The following SLC9A1 variants were observed in gnomAD, a reference collection of about 807,000 sequenced individuals.
The protein encoded by SLC9A1 is sodium/hydrogen exchanger 1.
Under a neutral mutation model 67.9 loss-of-function variants are expected in SLC9A1, and 22 were observed. The observed-to-expected ratio is 0.32, with a 90% CI of 0.23 to 0.46. The LOEUF (loss-of-function observed/expected upper bound fraction) is 0.46, where lower values mean the gene tolerates loss of function less well. Among genes scored for constraint, SLC9A1 ranks in the 20% least tolerant of loss-of-function variants. The pLI is 1.00. For missense variants in SLC9A1, 686 were observed against 1,094.8 expected, an observed-to-expected ratio of 0.63 and a Z score of 5.27; for synonymous variants, 421 against 471.8, an observed-to-expected ratio of 0.89 and a Z score of 1.40.
Position 27,109,881 on chromosome 1 carries a change from A to C in SLC9A1, c.814-104T>G. 1 of 1,322,672 alleles carries C rather than the reference A, an allele frequency of 7.6e-7. No homozygotes were observed. Among genetic ancestry groups the C allele is most frequent in the Non-Finnish European group, 1.1e-6 (1 of 945,720 alleles). 81.9% of individuals were successfully genotyped at this position (1,322,672 alleles called of 1,614,324 possible). ...CCTGTCCCCTCCGTTAACCATGGCC[A>C]CAAGAAGAGGCCACACGGTAGCAGA... On this transcript the variant is annotated intron_variant, in intron 2 of 11. Transcript: ENST00000263980. This position sits in a 1 kb window ranked among gnomAD's most constrained non-coding sequence, Gnocchi z 5.5.
chr1:27,145,074 A>G (rs79670576), intron 1 of SLC9A1, among the ~76,000 whole-genome samples: 2 of 131,802 alleles, frequency 1.5e-5, no homozygotes, highest in Non-Finnish European at 3.2e-5. Flanking sequence ...AGGAAAAAGG[A>G]AAAAAAAAAA....
chr1:27,131,158 G>A (rs561667699), intron 1 of SLC9A1, among the ~76,000 whole-genome samples: 19 of 152,342 alleles, frequency 1.2e-4, no homozygotes, highest in Admixed American at 1.1e-3. Flanking sequence ...AACTGGGGAA[G>A]CAGCCACCAC....
intron 1 of SLC9A1, among the ~76,000 whole-genome samples, chr1:27,125,785 G>T (rs571925243): frequency 1.3e-5 from 2 of 151,452 alleles, no homozygotes; most frequent in African/African-American, 2.4e-5. Flanking sequence ...AGTAGATGAG[G>T]TTTCACCATG....
rs746572432 is a variant in SLC9A1 at position 27,101,776 on chromosome 1, G to A, written c.1986C>T (p.Ala662=). The part of the protein sequence containing the change: ...HTLVADPYEE[A]WNQMLLRRQK... ...GCCTCCGGAGCAGCATCTGGTTCCAGGCTTCCTCGTAGGGGTCTGCCACCA... is the reference window on the plus strand; with the variant it reads ...GCCTCCGGAGCAGCATCTGGTTCCAAGCTTCCTCGTAGGGGTCTGCCACCA... The change falls in exon 10 of 12, where the codon GCC becomes GCT. Residue 662 remains alanine (A), a synonymous_variant. Transcript: ENST00000263980. This position sits in a 1 kb window ranked among gnomAD's most constrained non-coding sequence, Gnocchi z 4.9. 3.7e-5 allele frequency: 59 copies of A among 1,613,108 alleles called. No individual in the cohort carries two copies. The highest frequency in any genetic ancestry group is 4.7e-5 in the Non-Finnish European group (56 of 1,179,962).
chr1:27,134,302 AGAT>A (rs1228243523), intron 1 of SLC9A1, among the ~76,000 whole-genome samples: 3 of 152,194 alleles, frequency 2.0e-5, no homozygotes, highest in East Asian at 1.9e-4. Flanking sequence ...CTCACAGATA[AGAT>A]GATGGGGCTG....
intron 2 of SLC9A1, among the ~76,000 whole-genome samples, chr1:27,113,412 C>T (rs1381773847): frequency 2.0e-5 from 3 of 152,074 alleles, no homozygotes; most frequent in South Asian, 2.1e-4. Context: ...GAGTTATGAC[C>T]GTACCAGTTC....
Position 27,105,998 on chromosome 1 carries a change from G to A in SLC9A1, c.1372C>T (p.Arg458Ter), listed in dbSNP as rs1353391048. 2 of 1,613,362 alleles carry A rather than the reference G, an allele frequency of 1.2e-6. No individual in the cohort carries two copies. Among genetic ancestry groups the A allele is most frequent in the Non-Finnish European group, 1.7e-6 (2 of 1,179,738 alleles). The part of the protein sequence containing the change: ...DQFIIAYGGL[R>*]GAIAFSLGYL... ...CCCAGAGAGAAGGCGATGGCCCCTC[G>A]CAGGCCCCCATAGGCGATGATGAAC... The change falls in exon 5 of 12, where the codon CGA becomes TGA. Residue 458 changes from arginine (R) to a stop codon, truncating the protein, a stop_gained. Coordinates refer to ENST00000263980, the MANE Select transcript of SLC9A1 (RefSeq NM_003047.5). LOFTEE classifies it high-confidence loss of function.
rs777700002 is a variant in SLC9A1, at chr1:27,099,606, G to C, written c.*701C>G. 2.6e-5 allele frequency: 4 copies of C among 152,698 alleles called. No individual in the cohort carries two copies. The highest frequency in any genetic ancestry group is 9.7e-5 in the African/African-American group (4 of 41,436). 9.5% of individuals were successfully genotyped at this position (152,698 alleles called of 1,614,324 possible). A position where few individuals can be genotyped will look rare whatever the true frequency, so the allele number is the denominator to read the frequency against. On this transcript the variant is annotated 3_prime_UTR_variant, in exon 12 of 12. Coordinates refer to ENST00000263980, the MANE Select transcript of SLC9A1 (RefSeq NM_003047.5). ...AAAAGGCAGCACATTCTGGAGCCACGGCCAGTCCTTCCCCTAGCAGCTTCC... is the reference window on the plus strand; with the variant it reads ...AAAAGGCAGCACATTCTGGAGCCACCGCCAGTCCTTCCCCTAGCAGCTTCC...
chr1:27,131,439 CAAAAAAAAAA>C (rs35954506), intron 1 of SLC9A1, among the ~76,000 whole-genome samples: 11 of 27,490 alleles, frequency 4.0e-4, no homozygotes, highest in Admixed American at 1.2e-3. Context: ...ACTAAAAATA[CAAAAAAAAAA>C]AAAAAAAAAA....
chr1:27,120,575 G>A (rs901142091), intron 1 of SLC9A1, among the ~76,000 whole-genome samples: 5 of 151,642 alleles, frequency 3.3e-5, no homozygotes, highest in Admixed American at 1.3e-4. Context: ...TCGTCTCTAC[G>A]AAAAATACAA....
At chr1:27,148,626 A>AT (rs528932849) in intron 1 of SLC9A1, among the ~76,000 whole-genome samples, 145 of 152,344 alleles carry the variant, frequency 9.5e-4, no homozygotes, top group Non-Finnish European at 1.7e-3. Flanking sequence ...GAACACATCA[A>AT]TACCACATGC....
chr1:27,138,595 GT>G (rs1243684979), intron 1 of SLC9A1, among the ~76,000 whole-genome samples: 3 of 152,118 alleles, frequency 2.0e-5, no homozygotes, highest in African/African-American at 4.8e-5. Context: ...AAGAGATGAC[GT>G]TTGATCTAGG....
At chr1:27,153,221 G>C (rs2083541894) in intron 1 of SLC9A1, among the ~76,000 whole-genome samples, 2 of 152,108 alleles carry the variant, frequency 1.3e-5, no homozygotes, top group Admixed American at 6.6e-5. Flanking sequence ...CTGAGACACA[G>C]CCAGGCAGCG....
intron 1 of SLC9A1, among the ~76,000 whole-genome samples, chr1:27,132,604 A>G (rs748287581): frequency 6.6e-6 from 1 of 152,158 alleles, no homozygotes; most frequent in Admixed American, 6.5e-5. Flanking sequence ...GAAGGCAGAG[A>G]GCCTAGCATA....
intron 1 of SLC9A1, among the ~76,000 whole-genome samples, chr1:27,152,790 C>G (rs2083538633): frequency 6.6e-6 from 1 of 152,146 alleles, no homozygotes; most frequent in African/African-American, 2.4e-5. Flanking sequence ...CTGCATGTCC[C>G]AGAGCCTGCC....
chr1:27,145,232 A>G (rs377341115), intron 1 of SLC9A1, among the ~76,000 whole-genome samples: 1 of 152,214 alleles, frequency 6.6e-6, no homozygotes. Context: ...GGCTTTCTCT[A>G]AACACCCCAG....
intron 1 of SLC9A1, among the ~76,000 whole-genome samples, chr1:27,116,366 C>T (rs1258016023): frequency 6.6e-6 from 1 of 151,826 alleles, no homozygotes; most frequent in African/African-American, 2.4e-5. Context: ...GCCTGGGCAA[C>T]AGAGCAAGAC....
intron 1 of SLC9A1, among the ~76,000 whole-genome samples, chr1:27,130,338 G>C (rs972215391): frequency 6.6e-6 from 1 of 152,180 alleles, no homozygotes; most frequent in Non-Finnish European, 1.5e-5. Context: ...GCTTGACCTC[G>C]TGATCCGCCT....
chr1:27,148,530 T>C (rs1334570936), intron 1 of SLC9A1, among the ~76,000 whole-genome samples: 1 of 152,150 alleles, frequency 6.6e-6, no homozygotes, highest in Non-Finnish European at 1.5e-5. Flanking sequence ...GGAGAGAGTT[T>C]GGCCTTGAGT....
Sources: allele counts gnomAD v4.1 joint callset (sites outside exome capture counted in the v4.1 genomes callset), GRCh38; gene constraint gnomAD v4.1.1; non-coding constraint Gnocchi (gnomAD v3.1); transcripts MANE v1.5; gene names NCBI Gene and HGNC (gene_info 2026-07-23, HGNC 2026-07-21).